Variants in WWOX observed in about 807,000 individuals in gnomAD.
The protein encoded by WWOX is WW domain containing oxidoreductase.
Under a neutral mutation model 46.2 loss-of-function variants are expected in WWOX, and 69 were observed. The ratio of observed to expected loss-of-function variants is 1.49; its 90% CI spans 1.23 to 1.82. The LOEUF (loss-of-function observed/expected upper bound fraction) is 1.82, where lower values mean the gene tolerates loss of function less well. Ranked by LOEUF, WWOX falls within the 40% of genes most tolerant of loss-of-function variation. WWOX has a pLI of 0.00. For missense variants in WWOX, 919 were observed against 542.6 expected (o/e 1.69, Z -6.89); for synonymous variants, 359 against 202.6 (o/e 1.77, Z -6.56).
chr16:79,192,755 T>C (rs900638805), intron 8 of WWOX, among the ~76,000 whole-genome samples: 1 of 152,118 alleles, frequency 6.6e-6, no homozygotes, highest in Admixed American at 6.6e-5. Context: ...GGCAGTAGAG[T>C]GAGAAGAACG....
chr16:78,716,640 G>C, intron 8 of WWOX, among the ~76,000 whole-genome samples: 1 of 152,028 alleles, frequency 6.6e-6, no homozygotes, highest in Non-Finnish European at 1.5e-5. Context: ...CTGTGATAAC[G>C]CTCCTCTCAC....
At chr16:78,627,684 A>G (rs2046340995) in intron 8 of WWOX, among the ~76,000 whole-genome samples, 1 of 152,230 alleles carries the variant, frequency 6.6e-6, no homozygotes, top group South Asian at 2.1e-4. Context: ...CAAGAAATAA[A>G]TAACTTTGAT....
chr16:78,958,287 G>A (rs1316737145), intron 8 of WWOX, among the ~76,000 whole-genome samples: 1 of 152,006 alleles, frequency 6.6e-6, no homozygotes, highest in African/African-American at 2.4e-5. Context: ...TAATCAAATA[G>A]TGTCATCAAA....
chr16:78,407,905 C>A (rs1489191084), intron 6 of WWOX, among the ~76,000 whole-genome samples: 1 of 152,202 alleles, frequency 6.6e-6, no homozygotes, highest in African/African-American at 2.4e-5. Flanking sequence ...TTTGCACATA[C>A]AGATTATGGC....
At chr16:78,711,146 G>T (rs1428329441) in intron 8 of WWOX, among the ~76,000 whole-genome samples, 1 of 152,128 alleles carries the variant, frequency 6.6e-6, no homozygotes, top group Non-Finnish European at 1.5e-5. Flanking sequence ...GACCTTCTTT[G>T]TGTCCTCTCT....
chr16:79,168,838 C>A (rs2050645473), intron 8 of WWOX, among the ~76,000 whole-genome samples: 1 of 152,264 alleles, frequency 6.6e-6, no homozygotes, highest in Non-Finnish European at 1.5e-5. Flanking sequence ...CTCTCCACAC[C>A]TCCATCAGCT....
chr16:78,383,512 G>A (rs998883810), intron 5 of WWOX, among the ~76,000 whole-genome samples: 7 of 152,036 alleles, frequency 4.6e-5, no homozygotes, highest in South Asian at 2.1e-4. Context: ...TCTTGTCCTC[G>A]CCTAACAATC....
chr16:78,757,679 CAT>C (rs2049689092), intron 8 of WWOX, among the ~76,000 whole-genome samples: 1 of 151,528 alleles, frequency 6.6e-6, no homozygotes, highest in Admixed American at 6.6e-5. Flanking sequence ...TATTTATTCA[CAT>C]AAACACATTT....
intron 8 of WWOX, chr16:78,895,469 C>A (rs1434266896): frequency 6.6e-6 from 1 of 152,250 alleles, no homozygotes; most frequent in African/African-American, 2.4e-5. Flanking sequence ...GATGGCCTAG[C>A]TTCCATCCCG....
chr16:78,968,733 C>G (rs1383726884), intron 8 of WWOX, among the ~76,000 whole-genome samples: 1 of 152,022 alleles, frequency 6.6e-6, no homozygotes, highest in Non-Finnish European at 1.5e-5. Flanking sequence ...TGAAACCATG[C>G]TCATTGGTTT....
At chr16:79,089,141 G>C (rs913736367) in intron 8 of WWOX, among the ~76,000 whole-genome samples, 2 of 152,118 alleles carry the variant, frequency 1.3e-5, no homozygotes, top group African/African-American at 4.8e-5. Flanking sequence ...CGCATATGGT[G>C]GGCACAGGGC....
rs761545702 is a variant in WWOX at position 78,432,621 on chromosome 16, C to T, written c.925C>T (p.Arg309Cys). 2.5e-5 allele frequency: 40 copies of T among 1,614,070 alleles called. No individual in the cohort carries two copies. The East Asian group carries it at 3.1e-4, about 13-fold the overall frequency. ...CATCCTCTTCTCCAACGAGCTGCACCGTCGCCTCTCCCCACGCGGGGTCAC... is the reference window on the plus strand; with the variant it reads ...CATCCTCTTCTCCAACGAGCTGCACTGTCGCCTCTCCCCACGCGGGGTCAC... ...CNILFSNELH[R>C]RLSPRGVTSN... The change falls in exon 8 of 9, where the codon CGT becomes TGT. Residue 309 changes from arginine (R) to cysteine (C), a missense_variant. Arg to Cys is a radical substitution (Grantham distance 180). Transcript: ENST00000566780.
chr16:79,170,709 A>G (rs59826930), intron 8 of WWOX, among the ~76,000 whole-genome samples: 3,380 of 152,182 alleles, frequency 0.022, 122 homozygotes, highest in African/African-American at 0.076. Flanking sequence ...AGATGTTGCA[A>G]GCTCAATTCA....
intron 5 of WWOX, among the ~76,000 whole-genome samples, chr16:78,173,693 C>T (rs2035237837): frequency 6.6e-6 from 1 of 152,128 alleles, no homozygotes; most frequent in African/African-American, 2.4e-5. Context: ...ATGGTCGTTG[C>T]AGGGAAAGCT....
intron 5 of WWOX, among the ~76,000 whole-genome samples, chr16:78,228,260 G>C (rs2037133582): frequency 6.6e-6 from 1 of 151,978 alleles, no homozygotes; most frequent in African/African-American, 2.4e-5. Flanking sequence ...CAGGCACCCA[G>C]GGGGAGATGG....
intron 8 of WWOX, among the ~76,000 whole-genome samples, chr16:78,757,374 G>C (rs371394860): frequency 6.6e-6 from 1 of 152,120 alleles, no homozygotes; most frequent in Non-Finnish European, 1.5e-5. Flanking sequence ...ACCATTTAGA[G>C]GGAGCTGCGC....
At chr16:78,460,591 C>A (rs543885184) in intron 8 of WWOX, among the ~76,000 whole-genome samples, 5 of 152,308 alleles carry the variant, frequency 3.3e-5, no homozygotes, top group African/African-American at 9.6e-5. Flanking sequence ...AGAACACTGG[C>A]CTGAATGACT....
At chr16:78,396,618 C>G (rs1246202133) in intron 6 of WWOX, among the ~76,000 whole-genome samples, 4 of 152,144 alleles carry the variant, frequency 2.6e-5, no homozygotes, top group Non-Finnish European at 5.9e-5. Context: ...CTTCCTTTAG[C>G]TATAGCAAAT....
intron 8 of WWOX, among the ~76,000 whole-genome samples, chr16:78,931,054 A>G (rs1369496709): frequency 6.6e-6 from 1 of 152,216 alleles, no homozygotes; most frequent in Non-Finnish European, 1.5e-5. Context: ...AGAAATGCAC[A>G]TGAAATGTTT....
Sources: allele counts gnomAD v4.1 joint callset (sites outside exome capture counted in the v4.1 genomes callset), GRCh38; gene constraint gnomAD v4.1.1; transcripts MANE v1.5; gene names NCBI Gene and HGNC (gene_info 2026-07-23, HGNC 2026-07-21).